LAPTM4B: variants seen among roughly 807,000 people sequenced by gnomAD.
LAPTM4B encodes the protein lysosomal-associated transmembrane protein 4B.
Under a neutral mutation model 28.5 loss-of-function variants are expected in LAPTM4B, and 26 were observed. The observed-to-expected ratio is 0.91, with a 90% CI of 0.67 to 1.27. The LOEUF is 1.27. Ranked by LOEUF, LAPTM4B falls within the 50% of genes most tolerant of loss-of-function variation. LAPTM4B has a pLI of 0.00. For missense variants in LAPTM4B, 288 were observed against 285.8 expected, an observed-to-expected ratio of 1.01 and a Z score of -0.06; for synonymous variants, 109 against 106.4, an observed-to-expected ratio of 1.02 and a Z score of -0.15.
chr8:97,783,438 A>AAGAT (rs1341741349), intron 1 of LAPTM4B, among the ~76,000 whole-genome samples: 1 of 152,196 alleles, frequency 6.6e-6, no homozygotes, highest in Non-Finnish European at 1.5e-5. Context: ...GGTATATTTC[A>AAGAT]AGATAGTATT....
intron 1 of LAPTM4B, chr8:97,788,263 C>T (rs2449559): frequency 1 from 361,702 of 363,348 alleles, 180,070 homozygotes; most frequent in African/African-American, 1. Flanking sequence ...TACCTGATTT[C>T]ATTACCAGTT....
intron 6 of LAPTM4B, among the ~76,000 whole-genome samples, chr8:97,839,739 AC>A (rs566764142): frequency 2.0e-4 from 31 of 152,326 alleles, no homozygotes; most frequent in Admixed American, 1.6e-3. Context: ...TTCGTTGTGA[AC>A]CATTTTACTA....
intron 1 of LAPTM4B, among the ~76,000 whole-genome samples, chr8:97,785,221 G>A (rs1185489358): frequency 3.9e-5 from 6 of 152,142 alleles, no homozygotes; most frequent in Admixed American, 3.3e-4. Context: ...GAGTACATGG[G>A]ATTACAGGCG....
At chr8:97,838,903 C>T (rs1817302005) in intron 6 of LAPTM4B, among the ~76,000 whole-genome samples, 1 of 152,196 alleles carries the variant, frequency 6.6e-6, no homozygotes, top group Admixed American at 6.5e-5. Flanking sequence ...GTAAATTTTG[C>T]ATACCAGGGC....
chr8:97,785,849 G>A (rs538312566), intron 1 of LAPTM4B, among the ~76,000 whole-genome samples: 67 of 152,252 alleles, frequency 4.4e-4, no homozygotes, highest in Admixed American at 3.4e-3. Flanking sequence ...TTGCTGTATC[G>A]TTTTAATGTC....
intron 1 of LAPTM4B, among the ~76,000 whole-genome samples, chr8:97,776,415 A>G (rs953165197): frequency 6.6e-6 from 1 of 152,208 alleles, no homozygotes. Flanking sequence ...GGCCTCGCGT[A>G]GGGCGCACCG....
intron 6 of LAPTM4B, among the ~76,000 whole-genome samples, chr8:97,849,577 G>T (rs184465111): frequency 2.6e-4 from 40 of 152,360 alleles, no homozygotes; most frequent in Non-Finnish European, 4.4e-4. Flanking sequence ...CATAGGCAAA[G>T]ATCACTACCT....
chr8:97,791,501 C>T (rs6991424), intron 1 of LAPTM4B, among the ~76,000 whole-genome samples: 61,554 of 151,858 alleles, frequency 0.41, 12,779 homozygotes, highest in Non-Finnish European at 0.45. Context: ...ACACCAGAAC[C>T]GACTGAAGTT....
intron 1 of LAPTM4B, among the ~76,000 whole-genome samples, chr8:97,790,534 A>G (rs747628614): frequency 2.0e-5 from 3 of 151,230 alleles, no homozygotes; most frequent in Non-Finnish European, 4.4e-5. Flanking sequence ...CTGGTCTCGA[A>G]CTCCCGACCT....
At chr8:97,848,791 G>GT (rs1364443475) in intron 6 of LAPTM4B, among the ~76,000 whole-genome samples, 1 of 152,192 alleles carries the variant, frequency 6.6e-6, no homozygotes, top group African/African-American at 2.4e-5. Context: ...AATATTTCTG[G>GT]TGCGGTCACA....
chr8:97,820,022 T>C (rs1816980159), intron 5 of LAPTM4B, among the ~76,000 whole-genome samples: 1 of 152,150 alleles, frequency 6.6e-6, no homozygotes. Context: ...CATGAGCCAC[T>C]GTGCCCGGCT....
intron 1 of LAPTM4B, among the ~76,000 whole-genome samples, chr8:97,795,424 T>G (rs2129749175): frequency 6.6e-6 from 1 of 152,330 alleles, no homozygotes; most frequent in East Asian, 1.9e-4. Context: ...TTTTTACTGA[T>G]TATTGTACGT....
chr8:97,800,734 G>T (rs1018267876), intron 1 of LAPTM4B, among the ~76,000 whole-genome samples: 1 of 151,890 alleles, frequency 6.6e-6, no homozygotes, highest in African/African-American at 2.4e-5. Context: ...GACTTATGGT[G>T]ATCTGCCCGC....
intron 6 of LAPTM4B, among the ~76,000 whole-genome samples, chr8:97,840,388 A>G (rs560143930): frequency 3.9e-5 from 6 of 152,320 alleles, no homozygotes; most frequent in African/African-American, 1.2e-4. Context: ...GCTCCCTCCT[A>G]TTATGAAGTG....
intron 6 of LAPTM4B, among the ~76,000 whole-genome samples, chr8:97,842,468 C>T (rs1817365088): frequency 6.6e-6 from 1 of 152,116 alleles, no homozygotes; most frequent in Non-Finnish European, 1.5e-5. Flanking sequence ...CTATTCCCTC[C>T]TGCAGGAGGG....
intron 6 of LAPTM4B, among the ~76,000 whole-genome samples, chr8:97,840,929 G>A (rs1479842239): frequency 6.7e-6 from 1 of 150,138 alleles, no homozygotes; most frequent in African/African-American, 2.5e-5. Context: ...CCGGGCGGAG[G>A]CCCTCATCAC....
chr8:97,823,859 A>T (rs573406609), intron 5 of LAPTM4B, among the ~76,000 whole-genome samples: 2 of 151,508 alleles, frequency 1.3e-5, no homozygotes, highest in South Asian at 4.2e-4. Flanking sequence ...TGCCACACCC[A>T]GCTAATGTTT....
intron 1 of LAPTM4B, among the ~76,000 whole-genome samples, chr8:97,779,159 C>G (rs1305462530): frequency 2.0e-5 from 3 of 152,202 alleles, no homozygotes; most frequent in Non-Finnish European, 4.4e-5. Flanking sequence ...CCCCTACACT[C>G]CAGCCTGGGC....
intron 6 of LAPTM4B, among the ~76,000 whole-genome samples, chr8:97,842,617 C>T (rs1041298745): frequency 1.3e-5 from 2 of 152,134 alleles, no homozygotes; most frequent in African/African-American, 4.8e-5. Context: ...CTCTTGGGTT[C>T]AAGCATTTCT....
Sources: allele counts gnomAD v4.1 joint callset (sites outside exome capture counted in the v4.1 genomes callset), GRCh38; gene constraint gnomAD v4.1.1; transcripts MANE v1.5; gene names NCBI Gene and HGNC (gene_info 2026-07-23, HGNC 2026-07-21).